Variants in SULF1 observed in about 807,000 individuals in gnomAD.
The protein encoded by SULF1 is extracellular sulfatase Sulf-1.
Under a neutral mutation model 110.5 loss-of-function variants are expected in SULF1, and 46 were observed. The ratio of observed to expected loss-of-function variants is 0.42; its 90% CI spans 0.33 to 0.53. The LOEUF (loss-of-function observed/expected upper bound fraction) is 0.53, where lower values mean the gene tolerates loss of function less well. SULF1 is among the 20% of genes least tolerant of loss of function. The probability of loss-of-function intolerance (pLI) is 0.12; values close to 1 mark genes in which losing one functional copy is unlikely to be tolerated. For synonymous variants in SULF1, 371 were observed against 387.1 expected (o/e 0.96, Z 0.49); for missense variants, 941 against 1,094.2 (o/e 0.86, Z 1.98).
intron 19 of SULF1, among the ~76,000 whole-genome samples, chr8:69,633,309 C>G (rs1209213866): frequency 6.6e-6 from 1 of 150,446 alleles, no homozygotes; most frequent in African/African-American, 2.4e-5. Flanking sequence ...TCACGGCATG[C>G]TGAGTCAATC....
intron 3 of SULF1, among the ~76,000 whole-genome samples, chr8:69,533,740 G>C (rs1200462297): frequency 6.6e-6 from 1 of 152,156 alleles, no homozygotes; most frequent in African/African-American, 2.4e-5. Flanking sequence ...ATTGTAGATA[G>C]AATGATTTAT....
At chr8:69,616,500 C>G (rs1013814642) in intron 13 of SULF1, among the ~76,000 whole-genome samples, 2 of 152,160 alleles carry the variant, frequency 1.3e-5, no homozygotes, top group Non-Finnish European at 1.5e-5. Context: ...CTCCCAGGTT[C>G]AAGTGATTCT....
intron 1 of SULF1, among the ~76,000 whole-genome samples, chr8:69,477,126 G>A (rs1376866523): frequency 2.0e-5 from 3 of 152,038 alleles, no homozygotes; most frequent in Non-Finnish European, 4.4e-5. Context: ...AAAGACTTCT[G>A]GAATTAGAGA....
At chr8:69,489,419 G>A (rs1232747111), upstream of SULF1, among the ~76,000 whole-genome samples, 1 of 151,672 alleles carries the variant, frequency 6.6e-6, no homozygotes, top group Non-Finnish European at 1.5e-5. Flanking sequence ...AAATCATCCA[G>A]ACAAATTACA....
chr8:69,496,824 T>G (rs1402630112), intron 2 of SULF1, among the ~76,000 whole-genome samples: 24 of 152,104 alleles, frequency 1.6e-4, no homozygotes, highest in Admixed American at 1.6e-3. Context: ...GTTTAAAGAG[T>G]GGATAGTTCG....
intron 7 of SULF1, 52 bp downstream of exon 7, chr8:69,586,560 GA>G: frequency 6.4e-7 from 1 of 1,568,526 alleles, no homozygotes; most frequent in Admixed American, 1.9e-5. Context: ...GCATAATGGG[GA>G]AAAGCCATTT....
intron 1 of SULF1, among the ~76,000 whole-genome samples, chr8:69,495,058 T>C (rs1423475276): frequency 6.6e-6 from 1 of 152,038 alleles, no homozygotes; most frequent in Non-Finnish European, 1.5e-5. Flanking sequence ...TTTTATAATA[T>C]TAGTTTTGGG....
chr8:69,545,101 C>T (rs34035791), intron 3 of SULF1, among the ~76,000 whole-genome samples: 18,862 of 80,726 alleles, frequency 0.23, 1,132 homozygotes, highest in Middle Eastern at 0.33. Flanking sequence ...TTTTTTTTTT[C>T]ATTTCTATGG....
chr8:69,540,191 C>A lies in SULF1; in HGVS notation c.-133-23348C>A, dbSNP rs940259175. 2.6e-5 allele frequency among the ~76,000 whole-genome samples: 4 copies of A among 152,222 alleles called. No individual in the cohort carries two copies. In the South Asian group the frequency reaches 8.3e-4, roughly 32 times the overall value. On this transcript the variant is annotated intron_variant, in intron 3 of 22. Transcript: ENST00000402687. The stretch of plus-strand genomic sequence containing the variant: ...GGAAAGAGAGGATACATATGGCCAC[C>A]AGATTCATCTCTCTATTCATAAAAC...
rs774253861 is a variant in SULF1, at chr8:69,658,719, T to G, written c.*184T>G. On this transcript the variant is annotated 3_prime_UTR_variant, in exon 23 of 23. Coordinates refer to ENST00000402687, the MANE Select transcript of SULF1 (RefSeq NM_001128205.2). The stretch of plus-strand genomic sequence containing the variant: ...GTCACTATGAGCAAAATAAAACAAA[T>G]AAGACTCAAACTGCTCAAAGTGACG... The G allele has an allele frequency of 1.3e-5, 9 of 691,164 alleles. No individual in the cohort carries two copies. In the East Asian group the frequency reaches 2.5e-4, roughly 19 times the overall value. 42.8% of individuals were successfully genotyped at this position (691,164 alleles called of 1,614,324 possible). A position where few individuals can be genotyped will look rare whatever the true frequency, so the allele number is the denominator to read the frequency against.
chr8:69,651,051 C>CTTTTTTTTTTTTT (rs111556401), intron 22 of SULF1, among the ~76,000 whole-genome samples: 4 of 134,162 alleles, frequency 3.0e-5, no homozygotes, highest in South Asian at 2.5e-4. Flanking sequence ...TCTTTTTTTT[C>CTTTTTTTTTTTTT]TTTTCTTTTT....
Position 69,562,232 on chromosome 8 carries a change from G to A in SULF1, c.-133-1307G>A, listed in dbSNP as rs1043690413. ...ATAAAGTTTAAAATAATGGGGATAC[G>A]TGTGTGTGTTTGTGTAAAACAAAAT... On this transcript the variant is annotated intron_variant, in intron 3 of 22. Transcript: ENST00000402687. Among the ~76,000 whole-genome samples, 15 of 151,968 alleles carry A rather than the reference G, an allele frequency of 9.9e-5. No individual in the cohort carries two copies. The South Asian group carries it at 1.4e-3, about 15-fold the overall frequency.
At chr8:69,574,413 G>C (rs980513613) in intron 5 of SULF1, among the ~76,000 whole-genome samples, 2 of 152,058 alleles carry the variant, frequency 1.3e-5, no homozygotes, top group Non-Finnish European at 2.9e-5. Context: ...TCACCCATCC[G>C]ACATTTACTT....
At chr8:69,657,279 T>C (rs962013783) in intron 22 of SULF1, among the ~76,000 whole-genome samples, 1 of 152,230 alleles carries the variant, frequency 6.6e-6, no homozygotes, top group African/African-American at 2.4e-5. Flanking sequence ...CATCTTTTGC[T>C]TCCTCTTTGT....
rs1807824902 is a variant in SULF1 at position 69,601,730 on chromosome 8, T to C, written c.962T>C (p.Ile321Thr). The C allele has an allele frequency of 1.2e-6, 2 of 1,613,736 alleles. No homozygotes were observed. Among genetic ancestry groups the C allele is most frequent in the South Asian group, 2.2e-5 (2 of 90,958 alleles). The change falls in exon 10 of 23, where the codon ATT (isoleucine) becomes ACT (threonine). Residue 321 changes from isoleucine to threonine, a missense_variant. This residue lies in a region of SULF1 where 822 missense variants were observed against 934.3 expected (regional missense o/e 0.88). Coordinates refer to ENST00000402687, the MANE Select transcript of SULF1 (RefSeq NM_001128205.2). ...IIYTADHGYH[I>T]GQFGLVKGKS... Reference sequence around the variant, plus strand: ...TACACCGCCGACCATGGTTACCATATTGGGCAGTTTGGACTGGTCAAGGGG... The same window carrying C: ...TACACCGCCGACCATGGTTACCATACTGGGCAGTTTGGACTGGTCAAGGGG...
chr8:69,548,879 A>T (rs1181208037), intron 3 of SULF1, among the ~76,000 whole-genome samples: 1 of 152,174 alleles, frequency 6.6e-6, no homozygotes, highest in Non-Finnish European at 1.5e-5. Context: ...GAAAGTGCAT[A>T]TGTTAGATTT....
intron 3 of SULF1, among the ~76,000 whole-genome samples, chr8:69,512,141 A>G (rs889322633): frequency 4.6e-5 from 7 of 152,208 alleles, no homozygotes; most frequent in African/African-American, 1.7e-4. Context: ...TTCAAGTCAC[A>G]TATCAAATGT....
chr8:69,621,345 A>T (rs1228236997), intron 14 of SULF1, 94 bp downstream of exon 14: 1 of 788,660 alleles, frequency 1.3e-6, no homozygotes, highest in Non-Finnish European at 1.9e-6. Context: ...TACATTTTAG[A>T]TATTATCAAT....
chr8:69,503,270 T>G (rs1364202869), intron 3 of SULF1, among the ~76,000 whole-genome samples: 3 of 152,182 alleles, frequency 2.0e-5, no homozygotes, highest in Non-Finnish European at 4.4e-5. Flanking sequence ...CATCAGCAGT[T>G]TTTCTAGAAT....
Sources: gnomAD v4.1 joint callset for allele counts (sites outside exome capture counted in the v4.1 genomes callset) on GRCh38, gnomAD v4.1.1 for gene constraint, gnomAD v4.1.1 regional missense constraint, MANE v1.5 for transcripts, NCBI Gene and HGNC (gene_info 2026-07-23, HGNC 2026-07-21) for gene names.